The following PLCL2 variants were observed in gnomAD, a reference collection of about 807,000 sequenced individuals.
PLCL2 encodes the protein inactive phospholipase C-like protein 2.
PLCL2 carries 4 observed loss-of-function variants against 79.6 expected under a neutral mutation model. The ratio of observed to expected loss-of-function variants is 0.05; its 90% CI spans 0.02 to 0.11. The LOEUF is 0.11. Ranked by LOEUF, PLCL2 falls within the 10% of genes least tolerant of loss-of-function variation. PLCL2 has a pLI of 1.00. For synonymous variants in PLCL2, 484 were observed against 457.7 expected, an observed-to-expected ratio of 1.06 and a Z score of -0.73; for missense variants, 895 against 1,291.0, an observed-to-expected ratio of 0.69 and a Z score of 4.70.
At chr3:16,975,405 A>T (rs1031232422) in intron 1 of PLCL2, among the ~76,000 whole-genome samples, 27 of 152,196 alleles carry the variant, frequency 1.8e-4, no homozygotes, top group Non-Finnish European at 1.5e-5. Context: ...GCTGCTTTGA[A>T]ATATCTAGTG....
chr3:16,900,277 T>C (rs1345302714), intron 1 of PLCL2, among the ~76,000 whole-genome samples: 1 of 152,234 alleles, frequency 6.6e-6, no homozygotes, highest in African/African-American at 2.4e-5. Flanking sequence ...ATTTAAACAG[T>C]TATTTCTGTG....
At chr3:17,061,858 C>T (rs2064956162) in intron 4 of PLCL2, among the ~76,000 whole-genome samples, 1 of 152,186 alleles carries the variant, frequency 6.6e-6, no homozygotes, top group Non-Finnish European at 1.5e-5. Context: ...ATCTTCCATT[C>T]CCTTTCGACC....
intron 1 of PLCL2, chr3:16,933,374 G>A (rs975796937): frequency 1.3e-5 from 2 of 154,396 alleles, no homozygotes; most frequent in Non-Finnish European, 1.5e-5. Context: ...TGTCTAAAAC[G>A]CTTACGACTA....
At chr3:17,040,602 A>G (rs1472419225) in intron 3 of PLCL2, among the ~76,000 whole-genome samples, 1 of 152,170 alleles carries the variant, frequency 6.6e-6, no homozygotes, top group African/African-American at 2.4e-5. Flanking sequence ...AAGTGTCTTC[A>G]TTGTGCCAGT....
intron 5 of PLCL2, chr3:17,081,233 A>G (rs772723522): frequency 4.4e-6 from 2 of 456,796 alleles, no homozygotes; most frequent in South Asian, 3.1e-5. Context: ...TCAGACTCCC[A>G]TAATGGTATG....
intron 1 of PLCL2, among the ~76,000 whole-genome samples, chr3:16,975,247 C>T (rs965848496): frequency 6.6e-6 from 1 of 152,152 alleles, no homozygotes; most frequent in East Asian, 1.9e-4. Flanking sequence ...TTGGGGCCAG[C>T]TCCCCAGGGA....
chr3:17,034,409 G>A (rs1452121493), intron 3 of PLCL2, among the ~76,000 whole-genome samples: 3 of 152,280 alleles, frequency 2.0e-5, no homozygotes, highest in Middle Eastern at 3.4e-3. Context: ...AAGTTATTGG[G>A]AAATAAAAAA....
chr3:17,072,568 C>T (rs879286162), intron 5 of PLCL2, among the ~76,000 whole-genome samples: 1 of 151,230 alleles, frequency 6.6e-6, no homozygotes, highest in Non-Finnish European at 1.5e-5. Context: ...ACTTGGGAGG[C>T]TGAGGCAGGA....
intron 1 of PLCL2, among the ~76,000 whole-genome samples, chr3:16,924,759 G>A (rs1330707301): frequency 6.6e-6 from 1 of 152,140 alleles, no homozygotes; most frequent in African/African-American, 2.4e-5. Context: ...CACCATGGAG[G>A]GTAGTTTACC....
chr3:17,037,623 A>G (rs2064671729), intron 3 of PLCL2, among the ~76,000 whole-genome samples: 1 of 152,168 alleles, frequency 6.6e-6, no homozygotes, highest in Non-Finnish European at 1.5e-5. Flanking sequence ...GGGATTTTCT[A>G]TCTGAAACTG....
chr3:17,012,842 G>A (rs113532378), intron 2 of PLCL2, among the ~76,000 whole-genome samples: 123 of 152,282 alleles, frequency 8.1e-4, no homozygotes, highest in African/African-American at 2.8e-3. Context: ...GACAGCAAGG[G>A]CCTGCCTCAT....
chr3:16,924,697 G>A (rs1371002387), intron 1 of PLCL2, among the ~76,000 whole-genome samples: 2 of 152,162 alleles, frequency 1.3e-5, no homozygotes, highest in East Asian at 3.8e-4. Flanking sequence ...AAAATGCAGA[G>A]TGATAGATTT....
chr3:17,009,957 G>A lies in PLCL2; in HGVS notation c.611G>A (p.Arg204His), dbSNP rs1224337070. Residue 204 changes from arginine (R) to histidine (H), a missense_variant, in exon 2 of 6, where the codon CGC (arginine) becomes CAC (histidine). By Grantham distance (29) the Arg-to-His change is conservative. Transcript: ENST00000615277. This position sits in a 1 kb window ranked among gnomAD's most constrained non-coding sequence, Gnocchi z 4.0. Reference sequence around the variant, plus strand: ...ACAGGAAAAAACACAGACATATTCCGCAGCAATGGCATTTCTGACCAGATA... The same window carrying A: ...ACAGGAAAAAACACAGACATATTCCACAGCAATGGCATTTCTGACCAGATA... ...VRTGKNTDIFRSNGISDQISE... is the reference protein window; with the variant it reads ...VRTGKNTDIFHSNGISDQISE... 2 of 1,613,894 alleles carry A rather than the reference G, an allele frequency of 1.2e-6. No homozygotes were observed. Among genetic ancestry groups the A allele is most frequent in the African/African-American group, 1.3e-5 (1 of 74,894 alleles).
intron 4 of PLCL2, among the ~76,000 whole-genome samples, chr3:17,055,659 C>T (rs2064884639): frequency 6.6e-6 from 1 of 152,206 alleles, no homozygotes. Flanking sequence ...AATGCAGTCT[C>T]TTTACATCAT....
At chr3:17,064,397 A>AG (rs2064986871) in intron 4 of PLCL2, among the ~76,000 whole-genome samples, 2 of 152,172 alleles carry the variant, frequency 1.3e-5, no homozygotes, top group East Asian at 3.8e-4. Context: ...ATTATTTTAC[A>AG]CATATGATTA....
At chr3:16,923,760 A>T (rs574185360) in intron 1 of PLCL2, among the ~76,000 whole-genome samples, 5 of 152,146 alleles carry the variant, frequency 3.3e-5, no homozygotes, top group Non-Finnish European at 7.3e-5. Flanking sequence ...ATATTGGCAT[A>T]ATTAATGGTG....
chr3:17,035,689 A>G, intron 3 of PLCL2: 1 of 451,912 alleles, frequency 2.2e-6, no homozygotes. Flanking sequence ...TTGTGATTAA[A>G]TTCAAACTCT....
chr3:17,020,323 A>G (rs2064435175), intron 3 of PLCL2, among the ~76,000 whole-genome samples: 1 of 152,200 alleles, frequency 6.6e-6, no homozygotes, highest in South Asian at 2.1e-4. Context: ...TTTTTCTGTC[A>G]TGGACTATGC....
chr3:16,901,740 A>G (rs551673725), intron 1 of PLCL2, among the ~76,000 whole-genome samples: 2 of 152,306 alleles, frequency 1.3e-5, no homozygotes, highest in South Asian at 2.1e-4. Context: ...AAAACAAGAA[A>G]GGTAGCAGTA....
Sources: gnomAD v4.1 joint callset for allele counts (sites outside exome capture counted in the v4.1 genomes callset) on GRCh38, gnomAD v4.1.1 for gene constraint, Gnocchi (gnomAD v3.1) non-coding constraint, MANE v1.5 for transcripts, NCBI Gene and HGNC (gene_info 2026-07-23, HGNC 2026-07-21) for gene names.